Variants in FHIT observed in about 807,000 individuals in gnomAD.
The protein encoded by FHIT is fragile histidine triad diadenosine triphosphatase.
FHIT carries 19 observed loss-of-function variants against 17.9 expected under a neutral mutation model. The observed-to-expected ratio is 1.06, with a 90% CI of 0.74 to 1.56. FHIT has a LOEUF of 1.56. Ranked by LOEUF, FHIT falls within the 40% of genes most tolerant of loss-of-function variation. The pLI is 0.00. For missense variants in FHIT, 248 were observed against 189.2 expected (o/e 1.31, Z -1.82); for synonymous variants, 81 against 69.7 (o/e 1.16, Z -0.81).
At chr3:60,369,452 C>T (rs774169776) in intron 5 of FHIT, among the ~76,000 whole-genome samples, 1 of 152,106 alleles carries the variant, frequency 6.6e-6, no homozygotes, top group African/African-American at 2.4e-5. Context: ...TGCTTGTTTT[C>T]TTCATTAGTT....
At chr3:59,766,379 TAAAAGTA>T (rs1701797330) in intron 8 of FHIT, among the ~76,000 whole-genome samples, 1 of 152,210 alleles carries the variant, frequency 6.6e-6, no homozygotes, top group African/African-American at 2.4e-5. Flanking sequence ...ATTTGCCATA[TAAAAGTA>T]CTGGAGTTAT....
intron 8 of FHIT, among the ~76,000 whole-genome samples, chr3:59,787,519 CACACACACACGT>C: frequency 8.2e-6 from 1 of 122,590 alleles, no homozygotes; most frequent in Non-Finnish European, 1.8e-5. Flanking sequence ...CACACACACA[CACACACACACGT>C]CAAAGGCTTC....
At chr3:60,140,165 G>A (rs566544495) in intron 5 of FHIT, among the ~76,000 whole-genome samples, 1 of 151,956 alleles carries the variant, frequency 6.6e-6, no homozygotes, top group Non-Finnish European at 1.5e-5. Flanking sequence ...ATTGATAATT[G>A]TAAGAATATA....
At chr3:61,157,932 T>C (rs2037578649) in intron 2 of FHIT, among the ~76,000 whole-genome samples, 1 of 152,186 alleles carries the variant, frequency 6.6e-6, no homozygotes. Flanking sequence ...GGGCACAAAT[T>C]TGTAAGTTAT....
At chr3:61,042,798 C>T (rs763716336) in intron 2 of FHIT, among the ~76,000 whole-genome samples, 3 of 151,318 alleles carry the variant, frequency 2.0e-5, no homozygotes, top group Non-Finnish European at 2.9e-5. Context: ...CAAGATGGTG[C>T]CACTGCACTC....
At chr3:60,413,409 A>T (rs990196571) in intron 5 of FHIT, among the ~76,000 whole-genome samples, 1 of 152,190 alleles carries the variant, frequency 6.6e-6, no homozygotes, top group Non-Finnish European at 1.5e-5. Flanking sequence ...CCCTGATTTT[A>T]ACAATGAAAG....
chr3:60,668,202 T>C (rs2040425014), intron 4 of FHIT, among the ~76,000 whole-genome samples: 1 of 151,660 alleles, frequency 6.6e-6, no homozygotes, highest in Non-Finnish European at 1.5e-5. Flanking sequence ...TTTTTACGTG[T>C]TCTGCCTGCC....
intron 1 of FHIT, among the ~76,000 whole-genome samples, chr3:61,213,742 C>G (rs147859617): frequency 1.1e-4 from 16 of 152,230 alleles, no homozygotes; most frequent in African/African-American, 3.9e-4. Flanking sequence ...CCAAAATTGA[C>G]CACATAGTTG....
intron 4 of FHIT, among the ~76,000 whole-genome samples, chr3:60,595,194 T>C (rs547173922): frequency 6.6e-6 from 1 of 151,998 alleles, no homozygotes; most frequent in Non-Finnish European, 1.5e-5. Context: ...TAGATTTGGA[T>C]GCAAAGAGAA....
intron 4 of FHIT, among the ~76,000 whole-genome samples, chr3:60,753,528 G>T (rs895248061): frequency 6.6e-6 from 1 of 152,182 alleles, no homozygotes; most frequent in Non-Finnish European, 1.5e-5. Context: ...TTTCATTTGG[G>T]AGTTCTATTA....
At chr3:60,335,952 C>T (rs1710217785) in intron 5 of FHIT, among the ~76,000 whole-genome samples, 1 of 152,114 alleles carries the variant, frequency 6.6e-6, no homozygotes, top group African/African-American at 2.4e-5. Flanking sequence ...TATGTTAACA[C>T]AGAACATATT....
intron 5 of FHIT, among the ~76,000 whole-genome samples, chr3:60,451,093 C>A (rs898360116): frequency 6.6e-6 from 1 of 152,082 alleles, no homozygotes; most frequent in African/African-American, 2.4e-5. Context: ...AATTAAACAT[C>A]GGTAAAACAA....
At chr3:60,377,964 G>A (rs914407748) in intron 5 of FHIT, among the ~76,000 whole-genome samples, 1 of 152,150 alleles carries the variant, frequency 6.6e-6, no homozygotes, top group Non-Finnish European at 1.5e-5. Context: ...TATGTTAGAC[G>A]AAAGCTCATT....
intron 4 of FHIT, among the ~76,000 whole-genome samples, chr3:60,790,071 G>A (rs1298809787): frequency 6.6e-6 from 1 of 152,178 alleles, no homozygotes; most frequent in African/African-American, 2.4e-5. Flanking sequence ...GAAATTAAAT[G>A]GATTTTTAAA....
At chr3:60,180,675 C>A (rs774807253) in intron 5 of FHIT, among the ~76,000 whole-genome samples, 1 of 152,100 alleles carries the variant, frequency 6.6e-6, no homozygotes, top group Admixed American at 6.5e-5. Context: ...GTTGTAAAAA[C>A]GTATGGAGGT....
intron 5 of FHIT, among the ~76,000 whole-genome samples, chr3:60,031,628 C>G (rs373925302): frequency 3.3e-5 from 5 of 152,164 alleles, no homozygotes; most frequent in Non-Finnish European, 7.4e-5. Flanking sequence ...CAATGATGGA[C>G]AATTCTTCAA....
intron 5 of FHIT, among the ~76,000 whole-genome samples, chr3:60,331,794 C>T (rs1337402083): frequency 2.0e-5 from 3 of 150,502 alleles, no homozygotes; most frequent in South Asian, 2.1e-4. Context: ...TGTGGTGAGC[C>T]GAGATTGCGC....
chr3:61,081,072 A>G (rs775534565), intron 2 of FHIT, among the ~76,000 whole-genome samples: 2 of 152,206 alleles, frequency 1.3e-5, no homozygotes, highest in Non-Finnish European at 2.9e-5. Flanking sequence ...GAAAAGATTA[A>G]AAGAATATGG....
At chr3:60,352,628 A>C (rs1699463429) in intron 5 of FHIT, among the ~76,000 whole-genome samples, 2 of 152,066 alleles carry the variant, frequency 1.3e-5, no homozygotes, top group Non-Finnish European at 2.9e-5. Context: ...CAGGCTACTG[A>C]GTAGCTGAGA....
Sources: allele counts gnomAD v4.1 joint callset (sites outside exome capture counted in the v4.1 genomes callset), GRCh38; gene constraint gnomAD v4.1.1; transcripts MANE v1.5; gene names NCBI Gene and HGNC (gene_info 2026-07-23, HGNC 2026-07-21).